The following OR51B5 variants were observed in gnomAD, a reference collection of about 807,000 sequenced individuals.
The protein encoded by OR51B5 is olfactory receptor family 51 subfamily B member 5, also known as olfactory receptor 51B5.
For synonymous variants in OR51B5, 186 were observed against 144.8 expected (o/e 1.28, Z -2.04); for missense variants, 456 against 374.6 (o/e 1.22, Z -1.79).
chr11:5,363,353 G>GTTT (rs112565550), intron 1 of OR51B5, among the ~76,000 whole-genome samples: 14 of 110,676 alleles, frequency 1.3e-4, no homozygotes, highest in Admixed American at 4.6e-4. Flanking sequence ...GTTTTTTTTG[G>GTTT]TTTTTGTTTT....
intron 1 of OR51B5, among the ~76,000 whole-genome samples, chr11:5,477,990 C>A (rs1851342378): frequency 6.6e-6 from 1 of 151,820 alleles, no homozygotes; most frequent in Non-Finnish European, 1.5e-5. Context: ...CGGGAAGCTC[C>A]AACTGGGTGG....
At chr11:5,497,281 G>A (rs1851664462) in intron 1 of OR51B5, among the ~76,000 whole-genome samples, 1 of 152,076 alleles carries the variant, frequency 6.6e-6, no homozygotes, top group Admixed American at 6.6e-5. Flanking sequence ...AAAAATTAGT[G>A]CAGGCCTGTA....
chr11:5,342,591 TTCCAATTCTATGGGTAGTAAA>T (rs1452788757), exon 1 of OR51B5: 3 of 1,577,192 alleles, frequency 1.9e-6, no homozygotes, highest in Admixed American at 3.7e-5. Context: ...GGAGATCAGG[TTCCAATTCTATGGGTAGTAAA>T]AAGGTGAAGA....
At chr11:5,505,348 C>T (rs1178464477) in intron 1 of OR51B5, 1 of 1,303,904 alleles carries the variant, frequency 7.7e-7, no homozygotes, top group African/African-American at 1.5e-5. Flanking sequence ...CCAGAGAACT[C>T]ACCTCATGAA....
intron 1 of OR51B5, among the ~76,000 whole-genome samples, chr11:5,445,998 C>T (rs563816721): frequency 2.0e-5 from 3 of 151,958 alleles, no homozygotes; most frequent in South Asian, 2.1e-4. Context: ...AGCAAACTAT[C>T]CCAAGGACAA....
chr11:5,343,190 A>G, exon 1 of OR51B5: 1 of 1,613,898 alleles, frequency 6.2e-7, no homozygotes, highest in Non-Finnish European at 8.5e-7. Flanking sequence ...GGCAAGCAGA[A>G]TGCCAGACTC....
chr11:5,489,592 T>C, intron 1 of OR51B5: 1 of 1,614,018 alleles, frequency 6.2e-7, no homozygotes, highest in Non-Finnish European at 8.5e-7. Flanking sequence ...TCCTATTCTC[T>C]ATGGAGCTAG....
chr11:5,474,088 G>A (rs1438524553), intron 1 of OR51B5, among the ~76,000 whole-genome samples: 2 of 152,146 alleles, frequency 1.3e-5, no homozygotes, highest in Non-Finnish European at 2.9e-5. Context: ...ACAAATATAA[G>A]CCATGGAAAA....
chr11:5,413,358 A>G (rs1245154770), intron 1 of OR51B5, among the ~76,000 whole-genome samples: 1 of 152,186 alleles, frequency 6.6e-6, no homozygotes, highest in Non-Finnish European at 1.5e-5. Context: ...GAAAAACTGG[A>G]AACTCTAAAA....
chr11:5,430,546 C>T, intron 1 of OR51B5: 1 of 364,520 alleles, frequency 2.7e-6, no homozygotes, highest in Non-Finnish European at 5.4e-6. Flanking sequence ...ACTTTGAATT[C>T]CTTGTTCCTA....
At chr11:5,433,172 A>G (rs1850555370) in intron 1 of OR51B5, among the ~76,000 whole-genome samples, 1 of 152,202 alleles carries the variant, frequency 6.6e-6, no homozygotes. Context: ...AAAAGACCAT[A>G]TTTAACCAAG....
At chr11:5,489,117 C>CA in intron 1 of OR51B5, 1 of 1,613,946 alleles carries the variant, frequency 6.2e-7, no homozygotes, top group East Asian at 2.2e-5. Flanking sequence ...GGTACACAAC[C>CA]ATTCTCAACC....
intron 1 of OR51B5, among the ~76,000 whole-genome samples, chr11:5,383,022 G>A (rs1422602158): frequency 6.6e-6 from 1 of 152,182 alleles, no homozygotes; most frequent in African/African-American, 2.4e-5. Context: ...AAAGAAAAGA[G>A]AAATGTACAC....
At chr11:5,423,235 A>C in intron 1 of OR51B5, 1 of 1,423,128 alleles carries the variant, frequency 7.0e-7, no homozygotes, top group Non-Finnish European at 9.2e-7. Context: ...GAAACTATAA[A>C]ATAAAACTTC....
intron 1 of OR51B5, chr11:5,351,792 C>A (rs1293626250): frequency 6.3e-7 from 1 of 1,580,672 alleles, no homozygotes; most frequent in African/African-American, 1.3e-5. Flanking sequence ...ATGGAGCCTG[C>A]TTCTCTCAGG....
chr11:5,373,693 C>T (rs569760633), intron 1 of OR51B5, among the ~76,000 whole-genome samples: 42 of 152,258 alleles, frequency 2.8e-4, no homozygotes, highest in Middle Eastern at 3.4e-3. Context: ...CACATGGCTC[C>T]GAGGGTCCTA....
At chr11:5,471,903 T>C (rs1417083687) in intron 1 of OR51B5, among the ~76,000 whole-genome samples, 5 of 152,120 alleles carry the variant, frequency 3.3e-5, no homozygotes, top group African/African-American at 1.2e-4. Flanking sequence ...CGGCACAAGA[T>C]GTACTGAATA....
At chr11:5,365,768 A>G (rs958947427) in intron 1 of OR51B5, among the ~76,000 whole-genome samples, 9 of 152,238 alleles carry the variant, frequency 5.9e-5, no homozygotes, top group African/African-American at 1.9e-4. Context: ...GGCAGATATT[A>G]TAATCCAGGC....
intron 1 of OR51B5, among the ~76,000 whole-genome samples, chr11:5,376,343 G>A (rs1027024119): frequency 1.1e-4 from 16 of 151,958 alleles, no homozygotes; most frequent in Non-Finnish European, 1.5e-4. Flanking sequence ...AGCACTAAAC[G>A]CCCACAAGAG....
Sources: gnomAD v4.1 joint callset for allele counts (sites outside exome capture counted in the v4.1 genomes callset) on GRCh38, gnomAD v4.1.1 for gene constraint, MANE v1.5 for transcripts, NCBI Gene and HGNC (gene_info 2026-07-23, HGNC 2026-07-21) for gene names.